CUBN: variants seen among roughly 807,000 people sequenced by gnomAD.
CUBN encodes 460 kDa receptor.
CUBN carries 282 observed loss-of-function variants against 405.3 expected under a neutral mutation model. The ratio of observed to expected loss-of-function variants is 0.70; its 90% CI spans 0.63 to 0.77. The LOEUF is 0.77. Ranked by LOEUF, CUBN falls within the 30% of genes least tolerant of loss-of-function variation. CUBN has a pLI of 0.00. For synonymous variants in CUBN, 1,684 were observed against 1,617.0 expected, an observed-to-expected ratio of 1.04 and a Z score of -0.99; for missense variants, 4,514 against 4,475.2, an observed-to-expected ratio of 1.01 and a Z score of -0.25.
At chr10:16,917,949 A>G (rs1410873663) in intron 45 of CUBN, among the ~76,000 whole-genome samples, 1 of 152,126 alleles carries the variant, frequency 6.6e-6, no homozygotes, top group Admixed American at 6.6e-5. Context: ...TCTTTACTCC[A>G]TCTTGAATTA....
At chr10:16,871,153 G>A (rs962431811) in intron 58 of CUBN, among the ~76,000 whole-genome samples, 9 of 151,238 alleles carry the variant, frequency 6.0e-5, no homozygotes, top group African/African-American at 1.7e-4. Flanking sequence ...TCACCCTCCC[G>A]AGTAGCTGGG....
At chr10:16,839,738 A>G (rs1042212212) in intron 62 of CUBN, among the ~76,000 whole-genome samples, 5 of 150,370 alleles carry the variant, frequency 3.3e-5, no homozygotes, top group Non-Finnish European at 7.4e-5. Context: ...AGGATTATAA[A>G]TCATGCTGCT....
At chr10:16,835,417 G>A (rs1443589781) in intron 63 of CUBN, among the ~76,000 whole-genome samples, 4 of 152,160 alleles carry the variant, frequency 2.6e-5, no homozygotes, top group African/African-American at 4.8e-5. Context: ...ACACAAACAC[G>A]CCTACAGGAA....
At position 16,900,606 on chromosome 10, in the gene CUBN, G is replaced by T. The variant is rs777924582; in HGVS notation, c.8410+19C>A. On this transcript the variant is annotated intron_variant, in intron 53 of 66. Transcript: ENST00000377833. ...ACATCACTAAAAAGAAAATCAAATG[G>T]AGCAAACATTTCTTTTACCTAAAGT... 1.3e-6 allele frequency: 2 copies of T among 1,559,164 alleles called. No individual in the cohort carries two copies. The highest frequency in any genetic ancestry group is 1.8e-6 in the Non-Finnish European group (2 of 1,129,834).
intron 37 of CUBN, among the ~76,000 whole-genome samples, chr10:16,939,606 AT>A (rs1469968540): frequency 6.6e-6 from 1 of 152,230 alleles, no homozygotes; most frequent in Non-Finnish European, 1.5e-5. Context: ...TATTAGAAGA[AT>A]CCCCTATTGT....
intron 17 of CUBN, among the ~76,000 whole-genome samples, chr10:17,080,273 A>G (rs1835938372): frequency 6.6e-6 from 1 of 152,184 alleles, no homozygotes; most frequent in Non-Finnish European, 1.5e-5. Flanking sequence ...GTTATGTTAT[A>G]TTGTGAAGAG....
rs59235819 is a variant in CUBN at position 17,008,429 on chromosome 10, CGTGT to C, written c.4168+11400_4168+11403del. On this transcript the variant is annotated intron_variant, in intron 28 of 66. Transcript: ENST00000377833. ...GCCCCATGGCTGCAGAATCCCTGCT[CGTGT>C]GTGTGTGTGTGTGTGTGTGTGTGTG... Among the ~76,000 whole-genome samples, 135 of 131,602 alleles carry C rather than the reference CGTGT, an allele frequency of 1.0e-3. 1 individual carries two copies. Among genetic ancestry groups the C allele is most frequent in the Middle Eastern group, 3.9e-3 (1 of 254 alleles). The allele number at this position is 131,602 out of a possible 152,430, so 86.3% of individuals were successfully genotyped here. A position where few individuals can be genotyped will look rare whatever the true frequency, so the allele number is the denominator to read the frequency against.
At chr10:16,939,998 T>G in intron 37 of CUBN, 34 bp downstream of exon 37, 1 of 1,508,812 alleles carries the variant, frequency 6.6e-7, no homozygotes, top group Non-Finnish European at 9.2e-7. Context: ...TAAGACATAT[T>G]CTGGAAGCTA....
Position 16,919,825 on chromosome 10 carries a change from C to T in CUBN, c.6821+138G>A, listed in dbSNP as rs531238388. The stretch of plus-strand genomic sequence containing the variant: ...TGGCTGGCCGACTGTGTTTTCAGGC[C>T]TGAGCCATTAAGCATTTCCCTTTTC... On this transcript the variant is annotated intron_variant, in intron 44 of 66. Transcript: ENST00000377833. The T allele has an allele frequency of 1.5e-5, 14 of 957,574 alleles. No homozygotes were observed. The African/African-American group carries it at 1.9e-4, about 13-fold the overall frequency. The allele number at this position is 957,574 out of a possible 1,614,324, so 59.3% of individuals were successfully genotyped here.
chr10:16,928,532 C>CCCCCTTTT (rs1403918589), intron 40 of CUBN, among the ~76,000 whole-genome samples: 17 of 107,084 alleles, frequency 1.6e-4, no homozygotes, highest in Admixed American at 3.1e-4. Context: ...CCACCCCCCC[C>CCCCCTTTT]TTTTTTTTTT....
At chr10:17,046,184 C>T in intron 23 of CUBN, 90 bp from the exon 24 acceptor site, 1 of 1,183,284 alleles carries the variant, frequency 8.5e-7, no homozygotes, top group Non-Finnish European at 1.2e-6. Context: ...GGATTGCAAA[C>T]ATTAGCAGTT....
At chr10:16,938,222 C>T (rs1233014689) in intron 38 of CUBN, among the ~76,000 whole-genome samples, 1 of 152,042 alleles carries the variant, frequency 6.6e-6, no homozygotes, top group African/African-American at 2.4e-5. Context: ...TAAAGGAGTC[C>T]ATATTTCCAC....
intron 46 of CUBN, 98 bp downstream of exon 46, chr10:16,915,723 A>C: frequency 1.0e-6 from 1 of 967,530 alleles, no homozygotes; most frequent in Non-Finnish European, 1.6e-6. Flanking sequence ...CAGAGTATAG[A>C]TGTGCTTTTG....
At chr10:17,054,951 T>C (rs1418629053) in intron 22 of CUBN, among the ~76,000 whole-genome samples, 2 of 152,136 alleles carry the variant, frequency 1.3e-5, no homozygotes, top group Non-Finnish European at 2.9e-5. Context: ...ACAAGACCAA[T>C]ATTACTCCTA....
chr10:17,072,019 C>A (rs371337059), intron 17 of CUBN, 48 bp from the exon 18 acceptor site: 1 of 1,494,322 alleles, frequency 6.7e-7, no homozygotes, highest in Non-Finnish European at 9.2e-7. Flanking sequence ...AAGAAACTTA[C>A]GTCGGCAATG....
intron 14 of CUBN, among the ~76,000 whole-genome samples, chr10:17,099,367 C>T (rs1016448368): frequency 6.6e-6 from 1 of 152,124 alleles, no homozygotes. Flanking sequence ...AGGAATACTA[C>T]ATGAAGGGGT....
At chr10:17,063,280 G>C (rs1588619270) in intron 22 of CUBN, among the ~76,000 whole-genome samples, 4 of 152,322 alleles carry the variant, frequency 2.6e-5, no homozygotes, top group Admixed American at 2.6e-4. Context: ...GACTGTGTTA[G>C]TCAGACCTAT....
intron 40 of CUBN, among the ~76,000 whole-genome samples, chr10:16,928,973 C>G (rs1468273387): frequency 7.0e-6 from 1 of 143,418 alleles, no homozygotes; most frequent in Non-Finnish European, 1.5e-5. Context: ...CTCAGTTACT[C>G]TGATTGCTGA....
At chr10:16,879,711 G>A (rs1840614009) in intron 56 of CUBN, among the ~76,000 whole-genome samples, 1 of 152,212 alleles carries the variant, frequency 6.6e-6, no homozygotes, top group Admixed American at 6.5e-5. Context: ...TTGGAAGTTG[G>A]AATAGAGGTA....
Sources: allele counts gnomAD v4.1 joint callset (sites outside exome capture counted in the v4.1 genomes callset), GRCh38; gene constraint gnomAD v4.1.1; transcripts MANE v1.5; gene names NCBI Gene and HGNC (gene_info 2026-07-23, HGNC 2026-07-21).